AR: variants seen among roughly 807,000 people sequenced by gnomAD.
AR encodes androgen receptor.
Under a neutral mutation model 53.9 loss-of-function variants are expected in AR, and 8 were observed. The ratio of observed to expected loss-of-function variants is 0.15; its 90% CI spans 0.09 to 0.27. AR has a LOEUF of 0.27. AR is among the 10% of genes least tolerant of loss of function. AR has a pLI of 1.00. For synonymous variants in AR, 359 were observed against 316.4 expected (o/e 1.13, Z -1.43); for missense variants, 639 against 742.5 (o/e 0.86, Z 1.62).
At chrX:67,708,860 G>A (rs1369588080) in intron 3 of AR, among the ~76,000 whole-genome samples, 1 of 112,386 alleles carries the variant, frequency 8.9e-6, no homozygotes, top group Non-Finnish European at 1.9e-5. Flanking sequence ...CCTTCTAACA[G>A]TCAGGACCCT....
chrX:67,585,657 G>T (rs1255715931), intron 1 of AR, among the ~76,000 whole-genome samples: 1 of 112,083 alleles, frequency 8.9e-6, no homozygotes, highest in African/African-American at 3.2e-5. Flanking sequence ...CATAACCATA[G>T]CCTATCTTTG....
Position 67,545,319 on chromosome X carries a change from A to T in AR, c.173A>T (p.Gln58Leu), listed in dbSNP as rs200185441. 9.2e-5 allele frequency: 37 copies of T among 400,868 alleles called. No homozygotes were observed. The highest frequency in any genetic ancestry group is 4.4e-4 in the Admixed American group (7 of 15,823). 33.0% of individuals were successfully genotyped at this position (400,868 alleles called of 1,213,427 possible). ...CCCGGCGCCAGTTTGCTGCTGCTGC[A>T]GCAGCAGCAGCAGCAGCAGCAGCAG... Reference protein sequence around the residue: ...APPGASLLLLQQQQQQQQQQQ... With the variant: ...APPGASLLLLLQQQQQQQQQQ... The change falls in exon 1 of 8, where the codon CAG (glutamine) becomes CTG (leucine). Residue 58 changes from glutamine (Q) to leucine (L), a missense_variant. This residue lies in a region of AR where 55 missense variants were observed against 84.8 expected (regional missense o/e 0.65). Transcript: ENST00000374690.
At chrX:67,555,565 A>G (rs998090531) in intron 1 of AR, among the ~76,000 whole-genome samples, 6 of 112,434 alleles carry the variant, frequency 5.3e-5, no homozygotes, top group African/African-American at 1.9e-4. Flanking sequence ...TGAATTTGAC[A>G]TAAGAGTTGT....
At position 67,647,359 on chromosome X, in the gene AR, A is replaced by G. The variant is rs1053427101; in HGVS notation, c.1768+3952A>G. On this transcript the variant is annotated intron_variant, in intron 2 of 7. Coordinates refer to ENST00000374690, the MANE Select transcript of AR (RefSeq NM_000044.6). ...CTCTCTCTCACTCCAGGTTTTTGTTAGGGAAGAAATGCAAGTGAACCCTCA... is the reference window on the plus strand; with the variant it reads ...CTCTCTCTCACTCCAGGTTTTTGTTGGGGAAGAAATGCAAGTGAACCCTCA... 7.2e-5 allele frequency among the ~76,000 whole-genome samples: 8 copies of G among 111,735 alleles called. No individual in the cohort carries two copies. In the Admixed American group the frequency reaches 7.7e-4, roughly 11 times the overall value.
At chrX:67,701,467 C>T (rs1004062017) in intron 3 of AR, among the ~76,000 whole-genome samples, 1 of 111,871 alleles carries the variant, frequency 8.9e-6, no homozygotes, top group Non-Finnish European at 1.9e-5. Context: ...CCATCTTTGA[C>T]TTGAAAGGTT....
intron 5 of AR, among the ~76,000 whole-genome samples, chrX:67,721,327 C>T (rs1048851629): frequency 8.9e-6 from 1 of 112,152 alleles, no homozygotes; most frequent in Non-Finnish European, 1.9e-5. Context: ...GCAAAGGGGT[C>T]AACAGGATGA....
intron 3 of AR, among the ~76,000 whole-genome samples, chrX:67,711,176 G>T (rs1040048520): frequency 8.9e-6 from 1 of 112,548 alleles, no homozygotes; most frequent in African/African-American, 3.2e-5. Flanking sequence ...ACAAGAATCA[G>T]AGTTTTCCTC....
At chrX:67,621,476 A>G (rs1270029163) in intron 1 of AR, among the ~76,000 whole-genome samples, 1 of 110,996 alleles carries the variant, frequency 9.0e-6, no homozygotes, top group Non-Finnish European at 1.9e-5. Context: ...CGTCATCTAC[A>G]TTAGGTATTT....
intron 1 of AR, among the ~76,000 whole-genome samples, chrX:67,596,786 G>A (rs1923102683): frequency 8.9e-6 from 1 of 112,239 alleles, no homozygotes; most frequent in African/African-American, 3.2e-5. Context: ...GAAAAGACAT[G>A]TGTGGTGATG....
At chrX:67,668,356 G>A (rs1349697648) in intron 2 of AR, among the ~76,000 whole-genome samples, 1 of 112,090 alleles carries the variant, frequency 8.9e-6, no homozygotes. Context: ...TTGATACGAT[G>A]TATCACACTG....
chrX:67,562,184 A>C (rs968967157), intron 1 of AR, among the ~76,000 whole-genome samples: 12 of 109,123 alleles, frequency 1.1e-4, no homozygotes, highest in Non-Finnish European at 2.1e-4. Context: ...AGCTGGTCTC[A>C]AACTCCTGAC....
chrX:67,706,942 A>G (rs774491619), intron 3 of AR, among the ~76,000 whole-genome samples: 74 of 111,985 alleles, frequency 6.6e-4, no homozygotes, highest in Admixed American at 1.4e-3. Context: ...TTCAGTTTCC[A>G]TGTAGTAGAG....
At chrX:67,658,822 A>G (rs777151593) in intron 2 of AR, among the ~76,000 whole-genome samples, 2 of 112,257 alleles carry the variant, frequency 1.8e-5, no homozygotes, top group African/African-American at 6.5e-5. Flanking sequence ...GAGATTCAGT[A>G]TATACAAAAA....
At chrX:67,701,566 C>G (rs917664417) in intron 3 of AR, among the ~76,000 whole-genome samples, 5 of 111,562 alleles carry the variant, frequency 4.5e-5, no homozygotes, top group Non-Finnish European at 7.5e-5. Context: ...TTTTAAAAAT[C>G]TATTAATGCC....
intron 3 of AR, among the ~76,000 whole-genome samples, chrX:67,704,719 C>A (rs1429801242): frequency 8.9e-6 from 1 of 111,738 alleles, no homozygotes; most frequent in Admixed American, 9.5e-5. Context: ...GAAGTCCTTG[C>A]CGGTGCCTAT....
At position 67,725,181 on chromosome X, in the gene AR, A is replaced by G; in HGVS notation, c.*1340A>G. 1 of 175,909 alleles carries G rather than the reference A, an allele frequency of 5.7e-6. No homozygotes were observed. The highest frequency in any genetic ancestry group is 1.1e-5 in the Non-Finnish European group (1 of 91,645). 14.5% of individuals were successfully genotyped at this position (175,909 alleles called of 1,213,427 possible). Reference sequence around the variant, plus strand: ...GTTTGCTTCTTTTGGGCATGTTCACAGATTCTCTGTTAAGAGCCCCCACCA... The same window carrying G: ...GTTTGCTTCTTTTGGGCATGTTCACGGATTCTCTGTTAAGAGCCCCCACCA... On this transcript the variant is annotated 3_prime_UTR_variant, in exon 8 of 8. Transcript: ENST00000374690.
Position 67,713,294 on chromosome X carries a change from C to T in AR, c.2173+1605C>T, listed in dbSNP as rs181486353. Among the ~76,000 whole-genome samples the T allele has an allele frequency of 2.1e-3, 235 of 110,632 alleles. 1 individual carries two copies. Among genetic ancestry groups the T allele is most frequent in the African/African-American group, 7.5e-3 (228 of 30,422 alleles). The stretch of plus-strand genomic sequence containing the variant: ...AGCTTGGGAAGCTGAGGTCGACTAG[C>T]CAATAAGAACACTGGGAAGGAAACC... On this transcript the variant is annotated intron_variant, in intron 4 of 7. Coordinates refer to ENST00000374690, the MANE Select transcript of AR (RefSeq NM_000044.6).
At chrX:67,722,103 T>G in intron 6 of AR, 140 bp downstream of exon 6, 1 of 726,148 alleles carries the variant, frequency 1.4e-6, no homozygotes, top group Non-Finnish European at 2.1e-6. Flanking sequence ...ATCCCCACTC[T>G]ACTCTCTCTC....
At chrX:67,723,312 C>CTGTG (rs796606484) in intron 7 of AR, among the ~76,000 whole-genome samples, 1,089 of 77,990 alleles carry the variant, frequency 0.014, 26 homozygotes, top group African/African-American at 0.053. Flanking sequence ...GTTTGTCTGT[C>CTGTG]TGTGTGTGTG....
Sources: allele counts gnomAD v4.1 joint callset (sites outside exome capture counted in the v4.1 genomes callset), GRCh38; gene constraint gnomAD v4.1.1; regional missense constraint gnomAD v4.1.1; transcripts MANE v1.5; gene names NCBI Gene and HGNC (gene_info 2026-07-23, HGNC 2026-07-21).